ARK2C: variants seen among roughly 807,000 people sequenced by gnomAD.
ARK2C encodes the protein E3 ubiquitin-protein ligase ARK2C.
chr18:46,408,123 G>A, the ARK2C span, among the ~76,000 whole-genome samples: 1 of 152,184 alleles, frequency 6.6e-6, no homozygotes, highest in Non-Finnish European at 1.5e-5. Context: ...GATAGGTCGG[G>A]GCAGTGGATT....
the ARK2C span, among the ~76,000 whole-genome samples, chr18:46,371,674 C>T: frequency 2.0e-5 from 3 of 152,302 alleles, no homozygotes; most frequent in African/African-American, 7.2e-5. Context: ...AGAGCTGAAA[C>T]AATGGTTTGA....
the ARK2C span, among the ~76,000 whole-genome samples, chr18:46,396,616 A>G: frequency 6.6e-6 from 1 of 152,214 alleles, no homozygotes; most frequent in Admixed American, 6.5e-5. Flanking sequence ...GTAAGTATCT[A>G]CTGTCCACTG....
At chr18:46,406,126 C>T in the ARK2C span, among the ~76,000 whole-genome samples, 2 of 152,172 alleles carry the variant, frequency 1.3e-5, no homozygotes, top group African/African-American at 4.8e-5. Context: ...CCCTCATAGA[C>T]ACACACTTAC....
At chr18:46,433,433 C>G in the ARK2C span, 2 of 1,613,424 alleles carry the variant, frequency 1.2e-6, no homozygotes, top group Non-Finnish European at 1.7e-6. Context: ...CTACCTCAGG[C>G]CCTGCACCAG....
chr18:46,354,667 C>T, the ARK2C span, among the ~76,000 whole-genome samples: 10 of 152,238 alleles, frequency 6.6e-5, no homozygotes, highest in African/African-American at 2.2e-4. Flanking sequence ...TCACATTTCA[C>T]ATCTTGGAAA....
the ARK2C span, chr18:46,337,413 A>G: frequency 2.0e-6 from 2 of 985,294 alleles, no homozygotes; most frequent in South Asian, 4.7e-5. Context: ...GTATTTTTTT[A>G]CATCCCCCAG....
At chr18:46,370,667 G>T in the ARK2C span, among the ~76,000 whole-genome samples, 1 of 152,196 alleles carries the variant, frequency 6.6e-6, no homozygotes, top group Non-Finnish European at 1.5e-5. Context: ...CATGCCAGGT[G>T]CTAAGGGGAT....
At chr18:46,379,820 C>G in the ARK2C span, among the ~76,000 whole-genome samples, 1 of 152,346 alleles carries the variant, frequency 6.6e-6, no homozygotes, top group South Asian at 2.1e-4. Flanking sequence ...TCAAGAGATG[C>G]CTAGAGGCTG....
the ARK2C span, among the ~76,000 whole-genome samples, chr18:46,427,689 G>A: frequency 1.3e-5 from 2 of 152,234 alleles, no homozygotes; most frequent in Admixed American, 6.5e-5. Flanking sequence ...ACAACAATCT[G>A]TCAGACAAGC....
At chr18:46,430,774 C>G in the ARK2C span, among the ~76,000 whole-genome samples, 2 of 152,126 alleles carry the variant, frequency 1.3e-5, no homozygotes, top group African/African-American at 4.8e-5. Context: ...TCTCATTGAT[C>G]CTTCTTCAAG....
chr18:46,346,645 C>T, the ARK2C span, among the ~76,000 whole-genome samples: 1 of 152,190 alleles, frequency 6.6e-6, no homozygotes, highest in South Asian at 2.1e-4. Context: ...ATGTAAATAC[C>T]AGTGTCACAG....
chr18:46,454,091 C>A, the ARK2C span, among the ~76,000 whole-genome samples: 1 of 102,088 alleles, frequency 9.8e-6, no homozygotes. Flanking sequence ...CCAGCCTGGG[C>A]AAGAGGGCAA....
chr18:46,421,159 C>T, the ARK2C span, among the ~76,000 whole-genome samples: 1 of 152,218 alleles, frequency 6.6e-6, no homozygotes, highest in Non-Finnish European at 1.5e-5. Context: ...AACTGGGCCC[C>T]TATACTCATT....
chr18:46,347,833 C>T, the ARK2C span, among the ~76,000 whole-genome samples: 7 of 152,114 alleles, frequency 4.6e-5, no homozygotes, highest in African/African-American at 1.2e-4. Context: ...GCAAGTCCCC[C>T]GGCAGGGTGA....
At chr18:46,423,749 T>C in the ARK2C span, among the ~76,000 whole-genome samples, 1 of 152,212 alleles carries the variant, frequency 6.6e-6, no homozygotes, top group East Asian at 1.9e-4. Context: ...CTCCAGATCT[T>C]CATCTGTAGA....
the ARK2C span, among the ~76,000 whole-genome samples, chr18:46,355,014 A>G: frequency 2.0e-5 from 3 of 152,238 alleles, no homozygotes; most frequent in Non-Finnish European, 2.9e-5. Flanking sequence ...CAGTGGTACA[A>G]TCTCAGCTCA....
chr18:46,338,369 C>T, the ARK2C span, among the ~76,000 whole-genome samples: 37 of 152,350 alleles, frequency 2.4e-4, no homozygotes, highest in East Asian at 7.1e-3. Context: ...CAGCAGCGGA[C>T]CTGTTACTGT....
chr18:46,408,369 T>A, the ARK2C span, among the ~76,000 whole-genome samples: 2 of 152,240 alleles, frequency 1.3e-5, no homozygotes, highest in Admixed American at 1.3e-4. Context: ...GAGCCAGAGT[T>A]GGCCTTAGGC....
At chr18:46,456,570 C>G in the ARK2C span, 259 of 1,614,124 alleles carry the variant, frequency 1.6e-4, no homozygotes, top group African/African-American at 3.0e-3. Flanking sequence ...ACCAGTGGCT[C>G]GCCATGAGCA....
Sources: gnomAD v4.1 joint callset for allele counts (sites outside exome capture counted in the v4.1 genomes callset) on GRCh38, gnomAD v4.1.1 for gene constraint, MANE v1.5 for transcripts, NCBI Gene and HGNC (gene_info 2026-07-23, HGNC 2026-07-21) for gene names.